The following AOPEP variants were observed in gnomAD, a reference collection of about 807,000 sequenced individuals.
AOPEP encodes aminopeptidase O.
A neutral mutation model predicts 98.1 loss-of-function variants in AOPEP; 77 were observed. The observed-to-expected ratio is 0.78, with a 90% CI of 0.65 to 0.95. The LOEUF is 0.95. Among genes scored for constraint, AOPEP ranks in the 40% least tolerant of loss-of-function variants. AOPEP has a pLI of 0.00. For synonymous variants in AOPEP, 346 were observed against 365.3 expected, an observed-to-expected ratio of 0.95 and a Z score of 0.60; for missense variants, 1,024 against 1,024.7, an observed-to-expected ratio of 1.00 and a Z score of 0.01.
intron 8 of AOPEP, 56 bp from the exon 9 acceptor site, chr9:94,955,851 AT>A: frequency 7.8e-6 from 10 of 1,277,916 alleles, no homozygotes; most frequent in African/African-American, 1.5e-5. Context: ...CTATATAACC[AT>A]TTTTTTATGA....
intron 13 of AOPEP, among the ~76,000 whole-genome samples, chr9:95,015,248 A>C (rs923561691): frequency 2.0e-5 from 3 of 152,182 alleles, no homozygotes; most frequent in Non-Finnish European, 4.4e-5. Context: ...TAGGGGTTTG[A>C]TTGATGTATA....
intron 13 of AOPEP, among the ~76,000 whole-genome samples, chr9:95,018,008 C>T (rs780050852): frequency 6.6e-6 from 1 of 152,162 alleles, no homozygotes; most frequent in Non-Finnish European, 1.5e-5. Context: ...GGATATACTA[C>T]ATTTTGTTGA....
the AOPEP span, among the ~76,000 whole-genome samples, chr9:95,139,832 A>T: frequency 6.9e-6 from 1 of 144,888 alleles, no homozygotes; most frequent in East Asian, 2.0e-4. Context: ...ATATATATAT[A>T]TTTATATATA....
chr9:94,792,605 A>G (rs962631040), intron 3 of AOPEP, among the ~76,000 whole-genome samples, 160 bp from the exon 4 acceptor site: 1 of 152,070 alleles, frequency 6.6e-6, no homozygotes, highest in African/African-American at 2.4e-5. Flanking sequence ...GCTTTCCCTG[A>G]GCCCTGAAAT....
chr9:94,911,429 G>A (rs1333662768), intron 5 of AOPEP, among the ~76,000 whole-genome samples: 6 of 152,224 alleles, frequency 3.9e-5, no homozygotes, highest in African/African-American at 9.7e-5. Flanking sequence ...GCTTGGTGTC[G>A]TAGCTGAATG....
intron 5 of AOPEP, among the ~76,000 whole-genome samples, chr9:94,814,179 A>G (rs764055493): frequency 1.3e-5 from 2 of 152,168 alleles, no homozygotes; most frequent in African/African-American, 2.4e-5. Context: ...CCACACAAAC[A>G]CCTCCAATTG....
chr9:95,044,486 A>G (rs372079307), intron 13 of AOPEP, among the ~76,000 whole-genome samples: 45 of 152,332 alleles, frequency 3.0e-4, no homozygotes, highest in African/African-American at 9.6e-4. Flanking sequence ...ATTCTGTTGT[A>G]TGGCAGAATA....
chr9:95,093,925 C>G, the AOPEP span, among the ~76,000 whole-genome samples: 1 of 152,236 alleles, frequency 6.6e-6, no homozygotes, highest in African/African-American at 2.4e-5. Context: ...ATTTCCTCCT[C>G]TGTAAGCTTC....
chr9:95,141,483 T>C, the AOPEP span, among the ~76,000 whole-genome samples: 1 of 152,160 alleles, frequency 6.6e-6, no homozygotes, highest in African/African-American at 2.4e-5. Flanking sequence ...CCTATATGAT[T>C]TGACAACATT....
At chr9:95,016,947 C>T (rs2133078046) in intron 13 of AOPEP, among the ~76,000 whole-genome samples, 1 of 151,300 alleles carries the variant, frequency 6.6e-6, no homozygotes, top group East Asian at 1.9e-4. Flanking sequence ...TATGTGGCCT[C>T]ACTTGTAACT....
chr9:94,998,896 G>A (rs948592271), intron 11 of AOPEP, among the ~76,000 whole-genome samples: 3 of 152,148 alleles, frequency 2.0e-5, no homozygotes, highest in Non-Finnish European at 4.4e-5. Context: ...TAGCCTTTTT[G>A]TAATAGTCCT....
the AOPEP span, chr9:95,111,686 CCTTTGGGTTTTTAAAGCAA>C: frequency 2.0e-5 from 32 of 1,611,472 alleles, no homozygotes; most frequent in South Asian, 3.3e-4. Context: ...AATTCTTCTT[CCTTTGGGTTTTTAAAGCAA>C]CTTTAACGTT....
intron 5 of AOPEP, among the ~76,000 whole-genome samples, chr9:94,906,385 G>A (rs1015974704): frequency 6.6e-6 from 1 of 151,650 alleles, no homozygotes; most frequent in Non-Finnish European, 1.5e-5. Flanking sequence ...AAGATTGCCT[G>A]AGCCAAGGAG....
intron 10 of AOPEP, among the ~76,000 whole-genome samples, chr9:94,968,970 T>C (rs1282768604): frequency 6.6e-6 from 1 of 152,170 alleles, no homozygotes; most frequent in Non-Finnish European, 1.5e-5. Context: ...TGGTCCATGA[T>C]GTTTTTATCC....
chr9:94,883,818 T>G (rs2047872624), intron 5 of AOPEP, among the ~76,000 whole-genome samples: 1 of 152,156 alleles, frequency 6.6e-6, no homozygotes, highest in African/African-American at 2.4e-5. Flanking sequence ...AAGTTGAGGG[T>G]TGACCTAGAG....
At chr9:95,073,963 A>G (rs532436452) in intron 14 of AOPEP, among the ~76,000 whole-genome samples, 72 of 152,358 alleles carry the variant, frequency 4.7e-4, no homozygotes, top group Non-Finnish European at 2.4e-4. Flanking sequence ...TATGTTCTAC[A>G]TATACACATT....
intron 3 of AOPEP, among the ~76,000 whole-genome samples, chr9:94,779,849 C>T (rs981677761): frequency 6.6e-6 from 1 of 152,078 alleles, no homozygotes; most frequent in Non-Finnish European, 1.5e-5. Flanking sequence ...CTTTCATCTC[C>T]CTGTAAACTT....
chr9:95,102,822 G>T, the AOPEP span, among the ~76,000 whole-genome samples: 1 of 152,222 alleles, frequency 6.6e-6, no homozygotes, highest in Non-Finnish European at 1.5e-5. Context: ...TGGGGACGCA[G>T]AGCTAAGAGT....
intron 11 of AOPEP, among the ~76,000 whole-genome samples, chr9:94,981,620 G>A (rs55934897): frequency 0.016 from 2,394 of 152,150 alleles, 66 homozygotes; most frequent in African/African-American, 0.054. Context: ...GTTCCTTGCC[G>A]TTTCCACTTC....
Sources: gnomAD v4.1 joint callset for allele counts (sites outside exome capture counted in the v4.1 genomes callset) on GRCh38, gnomAD v4.1.1 for gene constraint, MANE v1.5 for transcripts, NCBI Gene and HGNC (gene_info 2026-07-23, HGNC 2026-07-21) for gene names.